CADM2: variants seen among roughly 807,000 people sequenced by gnomAD.
The protein encoded by CADM2 is immunoglobulin superfamily member 4D.
In CADM2, 12 loss-of-function variants were observed where a neutral mutation model predicts 49.8. That is an observed-to-expected ratio of 0.24 (90% CI 0.15 to 0.39). CADM2 has a LOEUF of 0.39. Among genes scored for constraint, CADM2 ranks in the 10% least tolerant of loss-of-function variants. CADM2 has a pLI of 1.00. For missense variants in CADM2, 378 were observed against 492.3 expected (o/e 0.77, Z 2.20); for synonymous variants, 214 against 175.4 (o/e 1.22, Z -1.74).
intron 1 of CADM2, among the ~76,000 whole-genome samples, chr3:85,472,753 A>G (rs2038821534): frequency 6.6e-6 from 1 of 151,990 alleles, no homozygotes; most frequent in African/African-American, 2.4e-5. Context: ...AAAACTACAC[A>G]TGGTAGATCC....
chr3:85,770,448 A>T (rs2070017661), intron 2 of CADM2, among the ~76,000 whole-genome samples: 1 of 151,956 alleles, frequency 6.6e-6, no homozygotes. Flanking sequence ...CAAGTAGCTG[A>T]GACTAAAGGC....
chr3:84,992,534 C>A (rs1321898580), intron 1 of CADM2, among the ~76,000 whole-genome samples: 2 of 152,064 alleles, frequency 1.3e-5, no homozygotes, highest in Non-Finnish European at 2.9e-5. Context: ...GAGGCTGAGG[C>A]AGTAGAATCA....
At chr3:86,013,487 GA>G (rs1328356378) in intron 8 of CADM2, 4 of 1,603,012 alleles carry the variant, frequency 2.5e-6, no homozygotes, top group Non-Finnish European at 3.4e-6. Context: ...AAGAGGTTCT[GA>G]GAAAGCGCTT....
At chr3:84,980,740 T>G (rs2032125409) in intron 1 of CADM2, among the ~76,000 whole-genome samples, 1 of 152,120 alleles carries the variant, frequency 6.6e-6, no homozygotes, top group Non-Finnish European at 1.5e-5. Context: ...CTTAAGGTGT[T>G]TCACCTTAGA....
chr3:85,236,166 G>T (rs113396265), intron 1 of CADM2, among the ~76,000 whole-genome samples: 4 of 151,968 alleles, frequency 2.6e-5, no homozygotes, highest in African/African-American at 9.7e-5. Context: ...CCGTGCACTA[G>T]CTCCCTTCTA....
At chr3:85,699,154 C>T (rs1050614128) in intron 1 of CADM2, among the ~76,000 whole-genome samples, 12 of 152,192 alleles carry the variant, frequency 7.9e-5, no homozygotes, top group Non-Finnish European at 1.6e-4. Flanking sequence ...ATCCATGACA[C>T]GCTGGTGCAA....
chr3:85,420,812 A>G (rs1278575200), intron 1 of CADM2, among the ~76,000 whole-genome samples: 1 of 152,216 alleles, frequency 6.6e-6, no homozygotes, highest in African/African-American at 2.4e-5. Context: ...TTTTCAATTC[A>G]TAAGAGCTGA....
At chr3:85,693,067 G>T (rs920459094) in intron 1 of CADM2, among the ~76,000 whole-genome samples, 3 of 151,848 alleles carry the variant, frequency 2.0e-5, no homozygotes, top group African/African-American at 7.3e-5. Context: ...TAGCCAACAT[G>T]GTGAAACTCC....
chr3:85,631,037 T>A lies in CADM2; in HGVS notation c.62-95485T>A, dbSNP rs953513973. Among the ~76,000 whole-genome samples the A allele has an allele frequency of 2.6e-5, 4 of 152,184 alleles. No homozygotes were observed. The East Asian group carries it at 7.7e-4, about 29-fold the overall frequency. ...ATTAAAATAAAAAGTTCTTATCAATTTGATCCCTTTTTTATTCCTCAAAAA... is the reference window on the plus strand; with the variant it reads ...ATTAAAATAAAAAGTTCTTATCAATATGATCCCTTTTTTATTCCTCAAAAA... On this transcript the variant is annotated intron_variant, in intron 1 of 9. Transcript: ENST00000383699.
intron 1 of CADM2, among the ~76,000 whole-genome samples, chr3:85,422,210 TAA>T (rs934351042): frequency 3.9e-5 from 6 of 152,206 alleles, no homozygotes; most frequent in African/African-American, 1.4e-4. Flanking sequence ...TTTAATTTGC[TAA>T]AAAGTCTCAA....
In CADM2 at chr3:85,529,467, A is replaced by T. The variant is rs996419875; in HGVS notation, c.62-197055A>T. Among the ~76,000 whole-genome samples the T allele has an allele frequency of 2.6e-5, 4 of 152,324 alleles. No homozygotes were observed. In the South Asian group the frequency reaches 6.2e-4, roughly 24 times the overall value. On this transcript the variant is annotated intron_variant, in intron 1 of 9. Transcript: ENST00000383699. ...GCCAATGATTTAATTAATTCCCAGC[A>T]TATGAAAGACCTTGTTGCTCTTTTA...
chr3:85,229,269 C>G (rs1275979219), intron 1 of CADM2, among the ~76,000 whole-genome samples: 1 of 152,098 alleles, frequency 6.6e-6, no homozygotes, highest in African/African-American at 2.4e-5. Flanking sequence ...ACCCGCTGAG[C>G]CAGGCACCAG....
At chr3:85,077,879 C>T (rs537351031) in intron 1 of CADM2, among the ~76,000 whole-genome samples, 13 of 152,010 alleles carry the variant, frequency 8.6e-5, no homozygotes, top group African/African-American at 2.9e-4. Context: ...CACAATTAAC[C>T]TATTTGATAT....
chr3:85,054,145 A>T (rs955459602), intron 1 of CADM2, among the ~76,000 whole-genome samples: 3 of 151,966 alleles, frequency 2.0e-5, no homozygotes, highest in South Asian at 4.1e-4. Context: ...GTGTCATAAG[A>T]GTGCAAGGAC....
chr3:85,740,972 T>C (rs1485144278), intron 2 of CADM2, among the ~76,000 whole-genome samples: 1 of 152,196 alleles, frequency 6.6e-6, no homozygotes, highest in East Asian at 1.9e-4. Context: ...TAATCCTAGT[T>C]CAGGACAACA....
At chr3:85,207,428 G>A (rs935565276) in intron 1 of CADM2, among the ~76,000 whole-genome samples, 1 of 151,930 alleles carries the variant, frequency 6.6e-6, no homozygotes, top group Non-Finnish European at 1.5e-5. Context: ...TAAGTAAAAC[G>A]TTATATTTTG....
chr3:85,996,290 C>CTTTTTTTTTTTTTTTTTTTTTT (rs397990432), intron 8 of CADM2, among the ~76,000 whole-genome samples: 1 of 89,312 alleles, frequency 1.1e-5, no homozygotes, highest in Non-Finnish European at 2.1e-5. Flanking sequence ...TTTTCATTTA[C>CTTTTTTTTTTTTTTTTTTTTTT]TTTTTTTTTT....
chr3:85,446,576 G>A (rs916100867), intron 1 of CADM2, among the ~76,000 whole-genome samples: 1 of 149,896 alleles, frequency 6.7e-6, no homozygotes, highest in Non-Finnish European at 1.5e-5. Flanking sequence ...TTTTATAAAA[G>A]TGTGTGTGTG....
intron 1 of CADM2, among the ~76,000 whole-genome samples, chr3:85,203,091 C>T (rs2041549614): frequency 6.6e-6 from 1 of 152,104 alleles, no homozygotes; most frequent in Non-Finnish European, 1.5e-5. Context: ...TCTTGCAGAC[C>T]ACTCAAGCTG....
Sources: gnomAD v4.1 joint callset for allele counts (sites outside exome capture counted in the v4.1 genomes callset) on GRCh38, gnomAD v4.1.1 for gene constraint, MANE v1.5 for transcripts, NCBI Gene and HGNC (gene_info 2026-07-23, HGNC 2026-07-21) for gene names.